Variants in CACNA2D3 observed in about 807,000 individuals in gnomAD.
CACNA2D3 encodes the protein calcium voltage-gated channel auxiliary subunit alpha2delta 3.
CACNA2D3 carries 60 observed loss-of-function variants against 160.6 expected under a neutral mutation model. The ratio of observed to expected loss-of-function variants is 0.37; its 90% CI spans 0.30 to 0.46. The LOEUF (loss-of-function observed/expected upper bound fraction) is 0.46, where lower values mean the gene tolerates loss of function less well. CACNA2D3 is among the 20% of genes least tolerant of loss of function. The probability of loss-of-function intolerance (pLI) is 1.00; values close to 1 mark genes in which losing one functional copy is unlikely to be tolerated. For missense variants in CACNA2D3, 1,205 were observed against 1,365.0 expected, an observed-to-expected ratio of 0.88 and a Z score of 1.85; for synonymous variants, 558 against 492.9, an observed-to-expected ratio of 1.13 and a Z score of -1.75.
At chr3:54,154,397 A>G (rs1700204756) in intron 2 of CACNA2D3, among the ~76,000 whole-genome samples, 1 of 152,206 alleles carries the variant, frequency 6.6e-6, no homozygotes, top group African/African-American at 2.4e-5. Context: ...TAATGGGCCC[A>G]AGGTCAAGTG....
chr3:54,515,176 G>GTC (rs1701528894), intron 5 of CACNA2D3, among the ~76,000 whole-genome samples: 1 of 124,676 alleles, frequency 8.0e-6, no homozygotes, highest in Non-Finnish European at 1.7e-5. Context: ...GTGTGTGTCT[G>GTC]TGTGTGTGTG....
chr3:54,421,682 C>T (rs759584961), intron 4 of CACNA2D3, among the ~76,000 whole-genome samples: 17 of 151,980 alleles, frequency 1.1e-4, no homozygotes, highest in Non-Finnish European at 2.2e-4. Context: ...TCCTGCTGCA[C>T]GGTTATCATG....
Position 54,847,352 on chromosome 3 carries a change from A to G in CACNA2D3, c.1626+885A>G, listed in dbSNP as rs559872102. On this transcript the variant is annotated intron_variant, in intron 17 of 37. Transcript: ENST00000474759. ...TGTAGATCGTTTTCTTTAGCAATCAACAAACACACACGTACCTATATGCAC... is the reference window on the plus strand; with the variant it reads ...TGTAGATCGTTTTCTTTAGCAATCAGCAAACACACACGTACCTATATGCAC... Among the ~76,000 whole-genome samples, 57 of 143,812 alleles carry G rather than the reference A, an allele frequency of 4.0e-4. 1 individual carries two copies. The highest frequency in any genetic ancestry group is 3.2e-4 in the Non-Finnish European group (21 of 64,926). 94.3% of individuals were successfully genotyped at this position (143,812 alleles called of 152,430 possible).
At chr3:54,691,110 A>T (rs1283938207) in intron 11 of CACNA2D3, among the ~76,000 whole-genome samples, 2 of 152,142 alleles carry the variant, frequency 1.3e-5, no homozygotes, top group Non-Finnish European at 2.9e-5. Flanking sequence ...GGGCTTTGTC[A>T]GTTCTTAGGA....
intron 4 of CACNA2D3, among the ~76,000 whole-genome samples, chr3:54,441,119 C>G (rs1267732044): frequency 6.6e-6 from 1 of 152,140 alleles, no homozygotes; most frequent in African/African-American, 2.4e-5. Flanking sequence ...TAAAAGTGTT[C>G]CTATTTCTCC....
intron 11 of CACNA2D3, among the ~76,000 whole-genome samples, chr3:54,718,150 A>G (rs1365467223): frequency 1.3e-5 from 2 of 152,062 alleles, no homozygotes; most frequent in Non-Finnish European, 2.9e-5. Flanking sequence ...CCTTTACTGG[A>G]TATTTAGACT....
At chr3:54,899,705 G>A in intron 26 of CACNA2D3, 83 bp from the exon 27 acceptor site, 3 of 1,030,276 alleles carry the variant, frequency 2.9e-6, no homozygotes, top group Non-Finnish European at 4.4e-6. Flanking sequence ...CAGAATTGGT[G>A]ACTGTAGACC....
intron 10 of CACNA2D3, chr3:54,639,324 G>GA (rs1164624001): frequency 6.6e-6 from 1 of 152,188 alleles, no homozygotes; most frequent in Non-Finnish European, 1.5e-5. Context: ...CGCTAAGGGT[G>GA]AAGGACCAAG....
chr3:54,864,210 A>G (rs545053784), intron 17 of CACNA2D3, among the ~76,000 whole-genome samples: 48 of 152,104 alleles, frequency 3.2e-4, no homozygotes, highest in African/African-American at 1.1e-3. Flanking sequence ...TGAGTAAGAT[A>G]TTGTAAGTTG....
At chr3:54,491,938 C>A (rs1701117223) in intron 4 of CACNA2D3, among the ~76,000 whole-genome samples, 1 of 152,178 alleles carries the variant, frequency 6.6e-6, no homozygotes, top group African/African-American at 2.4e-5. Context: ...AGATATAGAC[C>A]TGGAAACTTT....
chr3:54,900,981 C>T (rs764972928), intron 27 of CACNA2D3, among the ~76,000 whole-genome samples: 15 of 152,168 alleles, frequency 9.9e-5, no homozygotes, highest in African/African-American at 3.4e-4. Context: ...ACCTGTGGCT[C>T]ATCTTGAACT....
At chr3:54,682,132 T>C (rs1457664139) in intron 11 of CACNA2D3, among the ~76,000 whole-genome samples, 1 of 150,900 alleles carries the variant, frequency 6.6e-6, no homozygotes, top group Non-Finnish European at 1.5e-5. Flanking sequence ...GCTGCCTCCT[T>C]TTGTGTCTCA....
At chr3:54,370,047 T>C (rs1389609559) in intron 3 of CACNA2D3, among the ~76,000 whole-genome samples, 1 of 152,224 alleles carries the variant, frequency 6.6e-6, no homozygotes, top group Non-Finnish European at 1.5e-5. Context: ...TCACGTAGCA[T>C]ATGAGCAATG....
chr3:54,695,660 T>C (rs566430725), intron 11 of CACNA2D3, among the ~76,000 whole-genome samples: 4 of 152,334 alleles, frequency 2.6e-5, no homozygotes, highest in African/African-American at 9.6e-5. Context: ...CAACCTCTTC[T>C]TAATTTGCAA....
chr3:54,977,350 G>T (rs1461385255), intron 29 of CACNA2D3, among the ~76,000 whole-genome samples: 1 of 152,104 alleles, frequency 6.6e-6, no homozygotes, highest in African/African-American at 2.4e-5. Flanking sequence ...CTTCCTGTGC[G>T]ATTGGAGCTG....
At chr3:54,732,132 A>T (rs1385659895) in intron 11 of CACNA2D3, among the ~76,000 whole-genome samples, 2 of 152,170 alleles carry the variant, frequency 1.3e-5, no homozygotes, top group African/African-American at 4.8e-5. Flanking sequence ...TAAGGGTGAA[A>T]AGTGTTTATA....
chr3:54,217,427 C>T (rs1701482711), intron 2 of CACNA2D3, among the ~76,000 whole-genome samples: 1 of 152,092 alleles, frequency 6.6e-6, no homozygotes, highest in South Asian at 2.1e-4. Context: ...AGTCCTAATC[C>T]CTGGAATTTG....
At position 54,986,726 on chromosome 3, in the gene CACNA2D3, TCCACCCAC is replaced by T. The variant is rs1360465389; in HGVS notation, c.2620-944_2620-937del. 2.1e-5 allele frequency among the ~76,000 whole-genome samples: 3 copies of T among 145,890 alleles called. No homozygotes were observed. The South Asian group carries it at 6.9e-4, about 34-fold the overall frequency. Reference sequence around the variant, plus strand: ...AATTTGGATTCTTATTGCAGTGCCCTCCACCCACCCACCCACCCACTCACAAGCTACAA... The same window carrying T: ...AATTTGGATTCTTATTGCAGTGCCCTCCACCCACCCACTCACAAGCTACAA... On this transcript the variant is annotated intron_variant, in intron 30 of 37. Coordinates refer to ENST00000474759, the MANE Select transcript of CACNA2D3 (RefSeq NM_018398.3).
intron 2 of CACNA2D3, among the ~76,000 whole-genome samples, chr3:54,257,336 C>T (rs1702316293): frequency 6.6e-6 from 1 of 152,180 alleles, no homozygotes; most frequent in Non-Finnish European, 1.5e-5. Flanking sequence ...CTATTGAGGC[C>T]AGGATGACAA....
Sources: gnomAD v4.1 joint callset for allele counts (sites outside exome capture counted in the v4.1 genomes callset) on GRCh38, gnomAD v4.1.1 for gene constraint, MANE v1.5 for transcripts, NCBI Gene and HGNC (gene_info 2026-07-23, HGNC 2026-07-21) for gene names.